Variants in HEPH observed in about 807,000 individuals in gnomAD.
The protein encoded by HEPH is hephaestin.
HEPH carries 69 observed loss-of-function variants against 80.8 expected under a neutral mutation model. The observed-to-expected ratio is 0.85, with a 90% CI of 0.70 to 1.04. HEPH has a LOEUF of 1.04. HEPH is among the 50% of genes least tolerant of loss of function. The pLI is 0.00. For synonymous variants in HEPH, 431 were observed against 322.8 expected, an observed-to-expected ratio of 1.34 and a Z score of -3.60; for missense variants, 1,115 against 891.3, an observed-to-expected ratio of 1.25 and a Z score of -3.20.
At chrX:66,189,524 A>T (rs1241888874) in intron 5 of HEPH, among the ~76,000 whole-genome samples, 160 bp from the exon 6 acceptor site, 1 of 111,163 alleles carries the variant, frequency 9.0e-6, no homozygotes, top group Non-Finnish European at 1.9e-5. Flanking sequence ...CCTATTTCTC[A>T]GGGATGTTTT....
At chrX:66,250,910 G>A (rs969253379) in intron 15 of HEPH, among the ~76,000 whole-genome samples, 3 of 111,991 alleles carry the variant, frequency 2.7e-5, no homozygotes, top group Admixed American at 9.5e-5. Flanking sequence ...TTGAGACAGA[G>A]TCTCGCTCTG....
At chrX:66,210,401 T>G (rs1488373818) in intron 15 of HEPH, among the ~76,000 whole-genome samples, 2 of 111,539 alleles carry the variant, frequency 1.8e-5, no homozygotes, top group Non-Finnish European at 3.8e-5. Flanking sequence ...GGCAGAACAA[T>G]TTTAGGTAAT....
At chrX:66,247,667 T>C (rs2090863410) in intron 15 of HEPH, among the ~76,000 whole-genome samples, 2 of 111,804 alleles carry the variant, frequency 1.8e-5, no homozygotes, top group Non-Finnish European at 3.8e-5. Flanking sequence ...AAAAGTCAAG[T>C]TACATGAACC....
At chrX:66,231,383 A>G (rs1277265647) in intron 15 of HEPH, among the ~76,000 whole-genome samples, 3 of 101,228 alleles carry the variant, frequency 3.0e-5, no homozygotes, top group Non-Finnish European at 6.0e-5. Context: ...GGCCATTTTC[A>G]CGATATTGAT....
chrX:66,195,380 A>G, intron 9 of HEPH, 151 bp downstream of exon 9: 1 of 366,344 alleles, frequency 2.7e-6, no homozygotes, highest in Non-Finnish European at 4.2e-6. Flanking sequence ...TAATAGTAAA[A>G]CAGAGCTGGG....
intron 16 of HEPH, 50 bp from the exon 17 acceptor site, chrX:66,256,055 C>T: frequency 2.9e-6 from 3 of 1,035,278 alleles, no homozygotes; most frequent in Non-Finnish European, 4.0e-6. Context: ...TACTGCTACC[C>T]AGAAACAACT....
In HEPH at chrX:66,193,644, G is replaced by C. The variant is rs367836312; in HGVS notation, c.1369+6G>C. ...TAGGCATCTTGGAATCCTGGGTGAGGAATTTTTAAATTATGAAATTCATTT... is the reference window on the plus strand; with the variant it reads ...TAGGCATCTTGGAATCCTGGGTGAGCAATTTTTAAATTATGAAATTCATTT... On this transcript the variant is annotated splice_donor_region_variant and intron_variant, in intron 8 of 20. Transcript: ENST00000343002. The C allele has an allele frequency of 9.5e-6, 11 of 1,163,567 alleles. No homozygotes were observed. The highest frequency in any genetic ancestry group is 1.3e-5 in the Non-Finnish European group (11 of 868,201).
At chrX:66,253,444 G>A (rs747202503) in intron 15 of HEPH, among the ~76,000 whole-genome samples, 1 of 112,118 alleles carries the variant, frequency 8.9e-6, no homozygotes, top group African/African-American at 3.2e-5. Context: ...TAAAATAAAA[G>A]ATTTTTAAAA....
chrX:66,177,756 A>AGGGTTT (rs772150505), intron 4 of HEPH, among the ~76,000 whole-genome samples: 1 of 109,676 alleles, frequency 9.1e-6, no homozygotes. Context: ...TTTCATCTCT[A>AGGGTTT]GGGTTTGGGT....
intron 15 of HEPH, among the ~76,000 whole-genome samples, chrX:66,224,150 A>G (rs1243249656): frequency 9.3e-6 from 1 of 107,839 alleles, no homozygotes; most frequent in Non-Finnish European, 1.9e-5. Flanking sequence ...ATGTCTGTGG[A>G]CTAGACTGTC....
intron 15 of HEPH, among the ~76,000 whole-genome samples, chrX:66,227,246 C>T (rs925087468): frequency 2.7e-5 from 3 of 111,511 alleles, no homozygotes; most frequent in Non-Finnish European, 3.8e-5. Flanking sequence ...TCAGTAAAAT[C>T]GGCATAGAAG....
At chrX:66,225,290 A>G (rs968322084) in intron 15 of HEPH, among the ~76,000 whole-genome samples, 4 of 111,856 alleles carry the variant, frequency 3.6e-5, no homozygotes, top group South Asian at 7.5e-4. Context: ...TGCCTGACCC[A>G]TGCTTCTTCA....
intron 15 of HEPH, among the ~76,000 whole-genome samples, chrX:66,240,107 G>A (rs1209568680): frequency 8.9e-6 from 1 of 111,733 alleles, no homozygotes. Flanking sequence ...TAATAGAAAA[G>A]GTGAACCACC....
At chrX:66,264,434 A>G (rs2091468864) in intron 20 of HEPH, among the ~76,000 whole-genome samples, 1 of 109,163 alleles carries the variant, frequency 9.2e-6, no homozygotes, top group Admixed American at 9.9e-5. Flanking sequence ...TTTCCCTTTC[A>G]TCTATGGAAT....
At chrX:66,201,835 G>A (rs2088474282) in intron 12 of HEPH, among the ~76,000 whole-genome samples, 1 of 112,081 alleles carries the variant, frequency 8.9e-6, no homozygotes, top group Non-Finnish European at 1.9e-5. Context: ...GCTTGGACTC[G>A]GGAAGTGGCA....
intron 15 of HEPH, among the ~76,000 whole-genome samples, chrX:66,237,047 A>T (rs934669688): frequency 1.8e-5 from 2 of 110,448 alleles, no homozygotes; most frequent in Non-Finnish European, 3.8e-5. Flanking sequence ...CTATTTTATT[A>T]GTTACTTCAA....
chrX:66,178,334 C>A (rs1361095877), intron 4 of HEPH, among the ~76,000 whole-genome samples: 1 of 112,489 alleles, frequency 8.9e-6, no homozygotes, highest in Non-Finnish European at 1.9e-5. Context: ...TTTCTTAATC[C>A]AGTCTATCAC....
chrX:66,213,144 A>G (rs1354041873), intron 15 of HEPH, among the ~76,000 whole-genome samples: 1 of 109,801 alleles, frequency 9.1e-6, no homozygotes, highest in Non-Finnish European at 1.9e-5. Context: ...CTAACTCATC[A>G]TCTAGCATTA....
At chrX:66,179,305 A>C (rs1487065844) in intron 4 of HEPH, among the ~76,000 whole-genome samples, 1 of 111,326 alleles carries the variant, frequency 9.0e-6, no homozygotes, top group Non-Finnish European at 1.9e-5. Flanking sequence ...ATTGGTCTAT[A>C]TCTCTGTTTT....
Sources: gnomAD v4.1 joint callset for allele counts (sites outside exome capture counted in the v4.1 genomes callset) on GRCh38, gnomAD v4.1.1 for gene constraint, MANE v1.5 for transcripts, NCBI Gene and HGNC (gene_info 2026-07-23, HGNC 2026-07-21) for gene names.